IL1RAPL2: variants seen among roughly 807,000 people sequenced by gnomAD.
IL1RAPL2 encodes X-linked interleukin-1 receptor accessory protein-like 2.
IL1RAPL2 carries 3 observed loss-of-function variants against 44.1 expected under a neutral mutation model. The ratio of observed to expected loss-of-function variants is 0.07; its 90% CI spans 0.03 to 0.18. IL1RAPL2 has a LOEUF of 0.18. IL1RAPL2 is among the 10% of genes least tolerant of loss of function. The pLI is 1.00. For missense variants in IL1RAPL2, 391 were observed against 496.4 expected (o/e 0.79, Z 2.02); for synonymous variants, 181 against 178.8 (o/e 1.01, Z -0.10).
At chrX:104,766,962 T>G (rs1444425792) in intron 2 of IL1RAPL2, among the ~76,000 whole-genome samples, 1 of 112,306 alleles carries the variant, frequency 8.9e-6, no homozygotes. Context: ...TTGGAACTGA[T>G]GTGGCTGGAT....
At chrX:105,718,497 A>G (rs747640874) in intron 7 of IL1RAPL2, among the ~76,000 whole-genome samples, 10 of 111,719 alleles carry the variant, frequency 9.0e-5, no homozygotes, top group Non-Finnish European at 1.9e-4. Flanking sequence ...TTACTATAGG[A>G]GCATATTTCT....
chrX:104,570,950 T>A (rs1236064439), intron 1 of IL1RAPL2, among the ~76,000 whole-genome samples: 2 of 111,235 alleles, frequency 1.8e-5, no homozygotes, highest in African/African-American at 6.5e-5. Flanking sequence ...TTTTGTTTTT[T>A]TTTTTTATCC....
intron 2 of IL1RAPL2, among the ~76,000 whole-genome samples, chrX:104,824,954 C>A (rs764948454): frequency 9.0e-6 from 1 of 111,419 alleles, no homozygotes; most frequent in South Asian, 3.8e-4. Flanking sequence ...GTTTGTTTCT[C>A]TTTTCTTTTG....
At position 105,251,827 on chromosome X, in the gene IL1RAPL2, T is replaced by G. The variant is rs749021331; in HGVS notation, c.544-15561T>G. ...TTATAAAAGTTTAATGATTAAAGTC[T>G]TTACTTGAGATTTGCTACAACTATA... On this transcript the variant is annotated intron_variant, in intron 4 of 10. Coordinates refer to ENST00000372582, the MANE Select transcript of IL1RAPL2 (RefSeq NM_017416.2). Among the ~76,000 whole-genome samples, 3 of 110,951 alleles carry G rather than the reference T, an allele frequency of 2.7e-5. No individual in the cohort carries two copies. In the South Asian group the frequency reaches 1.1e-3, roughly 42 times the overall value.
At chrX:104,879,744 A>G (rs931205272) in intron 2 of IL1RAPL2, among the ~76,000 whole-genome samples, 3 of 111,738 alleles carry the variant, frequency 2.7e-5, no homozygotes, top group African/African-American at 9.7e-5. Flanking sequence ...CATCCTCTAC[A>G]TAGGTATGAG....
chrX:104,685,625 T>C (rs1217646621), intron 2 of IL1RAPL2, among the ~76,000 whole-genome samples: 1 of 109,054 alleles, frequency 9.2e-6, no homozygotes, highest in Non-Finnish European at 1.9e-5. Flanking sequence ...TAACCTGGGG[T>C]GGGGGAAGGG....
intron 2 of IL1RAPL2, among the ~76,000 whole-genome samples, chrX:104,786,919 T>TTCTCTCTCTCTCTCTC (rs58609782): frequency 2.7e-5 from 1 of 36,683 alleles, no homozygotes; most frequent in African/African-American, 1.1e-4. Context: ...CTCATTCATA[T>TTCTCTCTCTCTCTCTC]TCTCTCTCTC....
chrX:104,957,390 G>C (rs1467230113), intron 2 of IL1RAPL2, among the ~76,000 whole-genome samples: 1 of 111,885 alleles, frequency 8.9e-6, no homozygotes, highest in African/African-American at 3.3e-5. Flanking sequence ...TCAGGGCAGG[G>C]ACACCCATGC....
At chrX:104,800,411 A>G (rs370934408) in intron 2 of IL1RAPL2, among the ~76,000 whole-genome samples, 7 of 111,576 alleles carry the variant, frequency 6.3e-5, no homozygotes, top group Admixed American at 4.8e-4. Context: ...GTGATTGCAA[A>G]CCTCTAATCT....
Position 105,441,920 on chromosome X carries a change from G to A in IL1RAPL2, c.698-42393G>A, listed in dbSNP as rs751919846. ...CTGAATGGTATGTCAGGAACATACC[G>A]TTCTGACATAGGTTTGAAGACTAGT... On this transcript the variant is annotated intron_variant, in intron 5 of 10. Coordinates refer to ENST00000372582, the MANE Select transcript of IL1RAPL2 (RefSeq NM_017416.2). Among the ~76,000 whole-genome samples the A allele has an allele frequency of 1.3e-4, 15 of 111,320 alleles. No homozygotes were observed. In the East Asian group the frequency reaches 4.0e-3, roughly 29 times the overall value.
In IL1RAPL2 at chrX:105,244,098, T is replaced by C. The variant is rs782528574; in HGVS notation, c.543+10094T>C. Among the ~76,000 whole-genome samples the C allele has an allele frequency of 2.7e-5, 3 of 111,432 alleles. No homozygotes were observed. In the South Asian group the frequency reaches 1.1e-3, roughly 42 times the overall value. ...AGTGCATTGCCATTCATTTGGAACGTTCCACTCTAACTTATCTTTAGTGAG... is the reference window on the plus strand; with the variant it reads ...AGTGCATTGCCATTCATTTGGAACGCTCCACTCTAACTTATCTTTAGTGAG... On this transcript the variant is annotated intron_variant, in intron 4 of 10. Coordinates refer to ENST00000372582, the MANE Select transcript of IL1RAPL2 (RefSeq NM_017416.2).
intron 2 of IL1RAPL2, among the ~76,000 whole-genome samples, chrX:104,980,147 AAAAT>A (rs747916326): frequency 7.1e-5 from 8 of 111,949 alleles, no homozygotes; most frequent in African/African-American, 1.9e-4. Flanking sequence ...TTTATTTTAA[AAAAT>A]AAAGTAGATA....
intron 2 of IL1RAPL2, among the ~76,000 whole-genome samples, chrX:104,934,222 CTT>C (rs200387572): frequency 5.8e-5 from 6 of 102,709 alleles, no homozygotes; most frequent in Non-Finnish European, 4.0e-5. Context: ...ACACTCACAA[CTT>C]TTTTTTTTTT....
intron 6 of IL1RAPL2, among the ~76,000 whole-genome samples, chrX:105,502,199 T>C (rs1471105745): frequency 8.9e-6 from 1 of 112,317 alleles, no homozygotes; most frequent in Non-Finnish European, 1.9e-5. Context: ...TGAACTATAA[T>C]CTCACTCTTG....
At chrX:104,995,762 A>G (rs1385393327) in intron 2 of IL1RAPL2, among the ~76,000 whole-genome samples, 2 of 111,793 alleles carry the variant, frequency 1.8e-5, no homozygotes, top group African/African-American at 3.2e-5. Context: ...AAAGAGATCA[A>G]TCCTTCATGT....
chrX:104,640,163 G>C (rs998871318), intron 1 of IL1RAPL2, among the ~76,000 whole-genome samples: 1 of 111,601 alleles, frequency 9.0e-6, no homozygotes, highest in Non-Finnish European at 1.9e-5. Flanking sequence ...TGTAGGCTGT[G>C]TTCATTCTTT....
At chrX:105,557,532 A>T (rs1305430088) in intron 6 of IL1RAPL2, among the ~76,000 whole-genome samples, 1 of 111,815 alleles carries the variant, frequency 8.9e-6, no homozygotes, top group Non-Finnish European at 1.9e-5. Flanking sequence ...TCTTGTGAGT[A>T]CCATTTAATT....
At chrX:105,447,748 A>C (rs2035979759) in intron 5 of IL1RAPL2, among the ~76,000 whole-genome samples, 1 of 86,425 alleles carries the variant, frequency 1.2e-5, no homozygotes, top group African/African-American at 4.7e-5. Context: ...AATATGTTAT[A>C]CATATAAATA....
intron 5 of IL1RAPL2, among the ~76,000 whole-genome samples, chrX:105,385,573 T>A (rs1173321840): frequency 9.0e-6 from 1 of 110,517 alleles, no homozygotes; most frequent in East Asian, 2.8e-4. Flanking sequence ...GTAGTAACAA[T>A]GAGAACAGAA....
Sources: gnomAD v4.1 joint callset for allele counts (sites outside exome capture counted in the v4.1 genomes callset) on GRCh38, gnomAD v4.1.1 for gene constraint, MANE v1.5 for transcripts, NCBI Gene and HGNC (gene_info 2026-07-23, HGNC 2026-07-21) for gene names.